GAS2L3: variants seen among roughly 807,000 people sequenced by gnomAD.
GAS2L3 encodes growth arrest specific 2 like 3, also known as GAS2-like protein 3.
In GAS2L3, 28 loss-of-function variants were observed where a neutral mutation model predicts 37.0. The ratio of observed to expected loss-of-function variants is 0.76; its 90% CI spans 0.56 to 1.04. The LOEUF is 1.04. Ranked by LOEUF, GAS2L3 falls within the 50% of genes least tolerant of loss-of-function variation. The pLI is 0.00. For missense variants in GAS2L3, 793 were observed against 817.6 expected, an observed-to-expected ratio of 0.97 and a Z score of 0.37; for synonymous variants, 290 against 296.6, an observed-to-expected ratio of 0.98 and a Z score of 0.23.
chr12:100,586,738 A>G (rs540101705), intron 1 of GAS2L3, among the ~76,000 whole-genome samples: 1 of 152,368 alleles, frequency 6.6e-6, no homozygotes, highest in Non-Finnish European at 1.5e-5. Context: ...TCGTAGCAGA[A>G]CTAAATGAAA....
At chr12:100,598,445 C>T (rs891160625) in intron 3 of GAS2L3, among the ~76,000 whole-genome samples, 2 of 152,096 alleles carry the variant, frequency 1.3e-5, no homozygotes, top group Non-Finnish European at 2.9e-5. Flanking sequence ...TTTATCATTG[C>T]CTCCTATCAG....
chr12:100,601,740 C>A lies in GAS2L3; in HGVS notation c.290C>A (p.Ser97Tyr). The A allele has an allele frequency of 6.4e-7, 1 of 1,565,588 alleles. No individual in the cohort carries two copies. Among genetic ancestry groups the A allele is most frequent in the Non-Finnish European group, 8.8e-7 (1 of 1,139,986 alleles). The change falls in exon 5 of 10, where the codon TCT becomes TAT. Residue 97 changes from serine (S) to tyrosine (Y), a missense_variant. Coordinates refer to ENST00000547754, the MANE Select transcript of GAS2L3 (RefSeq NM_174942.3). Reference sequence around the variant, plus strand: ...CAAAACATGGTGAAAACATGCAACTCTGAAGAATCAGGGGTAAGTAAATGT... The same window carrying A: ...CAAAACATGGTGAAAACATGCAACTATGAAGAATCAGGGGTAAGTAAATGT... Reference protein sequence around the residue: ...VLQNMVKTCNSEESGNFPMRK... With the variant: ...VLQNMVKTCNYEESGNFPMRK...
At chr12:100,611,868 T>C (rs1956130614) in intron 5 of GAS2L3, 132 bp from the exon 6 acceptor site, 2 of 660,458 alleles carry the variant, frequency 3.0e-6, no homozygotes, top group South Asian at 2.0e-5. Context: ...TTCAAAACTA[T>C]CTTTTTTCTC....
chr12:100,592,773 G>A (rs1346251826), intron 2 of GAS2L3, among the ~76,000 whole-genome samples: 2 of 151,998 alleles, frequency 1.3e-5, no homozygotes. Flanking sequence ...GTTTAGACTT[G>A]GTTACGTGAG....
chr12:100,609,279 C>A (rs1956097165), intron 5 of GAS2L3, among the ~76,000 whole-genome samples: 1 of 152,216 alleles, frequency 6.6e-6, no homozygotes, highest in South Asian at 2.1e-4. Flanking sequence ...TCAGTCCCAC[C>A]TGAAGCTAGC....
At chr12:100,592,928 T>A (rs1448422209) in intron 2 of GAS2L3, among the ~76,000 whole-genome samples, 1 of 152,120 alleles carries the variant, frequency 6.6e-6, no homozygotes, top group Non-Finnish European at 1.5e-5. Context: ...AAATTAAATG[T>A]TACTGGTTCA....
chr12:100,593,230 C>T (rs180787916), intron 2 of GAS2L3, among the ~76,000 whole-genome samples: 177 of 152,178 alleles, frequency 1.2e-3, no homozygotes, highest in African/African-American at 4.2e-3. Flanking sequence ...AGCACATGCT[C>T]ATGTATATTA....
intron 1 of GAS2L3, among the ~76,000 whole-genome samples, chr12:100,583,413 A>G (rs1955738376): frequency 6.6e-6 from 1 of 152,254 alleles, no homozygotes; most frequent in Admixed American, 6.5e-5. Flanking sequence ...TGAGTAGCTC[A>G]TTTATCAGAA....
At chr12:100,598,330 C>A (rs947878404) in intron 3 of GAS2L3, among the ~76,000 whole-genome samples, 3 of 152,094 alleles carry the variant, frequency 2.0e-5, no homozygotes, top group Admixed American at 6.5e-5. Flanking sequence ...TACCTTGATA[C>A]TTTTGAATAT....
At chr12:100,615,886 T>A (rs994044704) in intron 6 of GAS2L3, among the ~76,000 whole-genome samples, 6 of 152,218 alleles carry the variant, frequency 3.9e-5, no homozygotes, top group Admixed American at 1.3e-4. Context: ...TCTTGATTAC[T>A]GTAGCTTATA....
intron 1 of GAS2L3, among the ~76,000 whole-genome samples, chr12:100,589,339 CA>C (rs57889034): frequency 0.19 from 27,561 of 145,696 alleles, 3,178 homozygotes; most frequent in East Asian, 0.51. Context: ...ATAATAGCTG[CA>C]AAAAAAAAAA....
intron 8 of GAS2L3, among the ~76,000 whole-genome samples, chr12:100,619,686 T>C (rs887669195): frequency 7.2e-5 from 11 of 151,918 alleles, no homozygotes; most frequent in African/African-American, 2.7e-4. Flanking sequence ...GCAGAAAGAA[T>C]GCAGTAGGTA....
At chr12:100,581,218 C>T (rs890203322) in intron 1 of GAS2L3, among the ~76,000 whole-genome samples, 18 of 152,172 alleles carry the variant, frequency 1.2e-4, no homozygotes, top group African/African-American at 4.3e-4. Flanking sequence ...TTGCTGATGT[C>T]TGATAAGTAT....
intron 9 of GAS2L3, 45 bp from the exon 10 acceptor site, chr12:100,623,517 C>T: frequency 6.6e-7 from 1 of 1,521,764 alleles, no homozygotes; most frequent in East Asian, 2.3e-5. Context: ...TAACTATAAA[C>T]CTCACAGTAT....
chr12:100,621,114 C>T (rs1200357100), intron 8 of GAS2L3, among the ~76,000 whole-genome samples: 1 of 152,052 alleles, frequency 6.6e-6, no homozygotes, highest in Admixed American at 6.6e-5. Flanking sequence ...TTAAGACAAT[C>T]ATATAAATTT....
intron 7 of GAS2L3, 131 bp from the exon 8 acceptor site, chr12:100,618,318 A>G: frequency 1.2e-6 from 1 of 866,486 alleles, no homozygotes; most frequent in Non-Finnish European, 1.7e-6. Context: ...AGCATTTTCA[A>G]ATATCCCAGT....
intron 1 of GAS2L3, among the ~76,000 whole-genome samples, chr12:100,588,593 G>A (rs1955808699): frequency 6.6e-6 from 1 of 152,168 alleles, no homozygotes; most frequent in Non-Finnish European, 1.5e-5. Context: ...GGGTTTGAGA[G>A]CAGAGAACCA....
chr12:100,607,791 T>G (rs1176762447), intron 5 of GAS2L3, among the ~76,000 whole-genome samples: 1 of 152,046 alleles, frequency 6.6e-6, no homozygotes, highest in Non-Finnish European at 1.5e-5. Flanking sequence ...TTCAGTCTCT[T>G]TGTTAAATTT....
chr12:100,588,834 A>G (rs1195678914), intron 1 of GAS2L3, among the ~76,000 whole-genome samples: 5 of 152,128 alleles, frequency 3.3e-5, no homozygotes, highest in African/African-American at 9.7e-5. Flanking sequence ...TTGCACATCC[A>G]TTTATAGGCT....
Sources: allele counts gnomAD v4.1 joint callset (sites outside exome capture counted in the v4.1 genomes callset), GRCh38; gene constraint gnomAD v4.1.1; transcripts MANE v1.5; gene names NCBI Gene and HGNC (gene_info 2026-07-23, HGNC 2026-07-21).